DLG5: variants seen among roughly 807,000 people sequenced by gnomAD.
DLG5 encodes discs large MAGUK scaffold protein 5, also known as disks large homolog 5.
Under a neutral mutation model 189.8 loss-of-function variants are expected in DLG5, and 48 were observed. The observed-to-expected ratio is 0.25, with a 90% CI of 0.20 to 0.32. The LOEUF is 0.32. Among genes scored for constraint, DLG5 ranks in the 10% least tolerant of loss-of-function variants. The pLI, the probability that DLG5 is intolerant of heterozygous loss-of-function variation, is 1.00. For synonymous variants in DLG5, 1,016 were observed against 1,054.1 expected (o/e 0.96, Z 0.70); for missense variants, 2,160 against 2,544.7 (o/e 0.85, Z 3.25).
intron 1 of DLG5, among the ~76,000 whole-genome samples, chr10:77,925,760 G>C (rs568380366): frequency 6.6e-6 from 1 of 152,350 alleles, no homozygotes; most frequent in African/African-American, 2.4e-5. Context: ...AAATGAAAAA[G>C]CAGTTGTGGC....
chr10:77,824,802 C>T (rs1036372284), intron 13 of DLG5: 2 of 270,966 alleles, frequency 7.4e-6, no homozygotes, highest in South Asian at 1.1e-4. Context: ...CAGAACTTCC[C>T]AGCTCCTTGC....
At position 77,791,252 on chromosome 10, in the gene DLG5, A is replaced by C. The variant is rs1300886458; in HGVS notation, c.*1188T>G. 2 of 152,486 alleles carry C rather than the reference A, an allele frequency of 1.3e-5. No homozygotes were observed. The highest frequency in any genetic ancestry group is 2.4e-5 in the African/African-American group (1 of 41,394). The allele number at this position is 152,486 out of a possible 1,614,324, so 9.4% of individuals were successfully genotyped here. A position where few individuals can be genotyped will look rare whatever the true frequency, so the allele number is the denominator to read the frequency against. On this transcript the variant is annotated 3_prime_UTR_variant, in exon 32 of 32. Coordinates refer to ENST00000372391, the MANE Select transcript of DLG5 (RefSeq NM_004747.4). Reference sequence around the variant, plus strand: ...TCCTACCCCAACGACACTTACACAGAGCCCAGTACAGTACCTATTATTAAC... The same window carrying C: ...TCCTACCCCAACGACACTTACACAGCGCCCAGTACAGTACCTATTATTAAC...
chr10:77,851,185 C>A (rs1843957178), intron 5 of DLG5, among the ~76,000 whole-genome samples: 1 of 152,238 alleles, frequency 6.6e-6, no homozygotes, highest in Admixed American at 6.5e-5. Flanking sequence ...GCACCGCCAT[C>A]CTTACCTGCT....
chr10:77,871,938 C>A (rs1302863120), intron 1 of DLG5, among the ~76,000 whole-genome samples: 2 of 152,144 alleles, frequency 1.3e-5, no homozygotes, highest in East Asian at 1.9e-4. Flanking sequence ...GCAATTCGGG[C>A]AATCCATTGA....
At chr10:77,853,266 C>T in intron 5 of DLG5, 88 bp downstream of exon 5, 2 of 1,256,142 alleles carry the variant, frequency 1.6e-6, no homozygotes, top group Non-Finnish European at 2.1e-6. Flanking sequence ...ACGTGCCCGG[C>T]CCAGCATTTA....
In DLG5 at chr10:77,796,054, T is replaced by C; in HGVS notation, c.5436+7A>G. The stretch of plus-strand genomic sequence containing the variant: ...ATGCCTAATCCTCAGACTGAAGCCC[T>C]GGGTACCTTTTCTGTGATCTCCTTT... On this transcript the variant is annotated splice_region_variant and intron_variant, in intron 29 of 31. Transcript: ENST00000372391. This position sits in a 1 kb window ranked among gnomAD's most constrained non-coding sequence, Gnocchi z 5.2. 1 of 1,614,208 alleles carries C rather than the reference T, an allele frequency of 6.2e-7. No individual in the cohort carries two copies. The highest frequency in any genetic ancestry group is 8.5e-7 in the Non-Finnish European group (1 of 1,180,036).
At chr10:77,889,935 G>A (rs921764941) in intron 1 of DLG5, among the ~76,000 whole-genome samples, 1 of 152,130 alleles carries the variant, frequency 6.6e-6, no homozygotes, top group Admixed American at 6.5e-5. Context: ...CATCCCAAAA[G>A]TGCAGAAGAT....
intron 20 of DLG5, among the ~76,000 whole-genome samples, chr10:77,813,915 T>C (rs994562826): frequency 6.6e-6 from 1 of 152,248 alleles, no homozygotes; most frequent in Non-Finnish European, 1.5e-5. Flanking sequence ...AGGCTTCTTA[T>C]GTAGGACATT....
At chr10:77,894,757 A>T (rs1845709692) in intron 1 of DLG5, among the ~76,000 whole-genome samples, 1 of 151,982 alleles carries the variant, frequency 6.6e-6, no homozygotes, top group East Asian at 1.9e-4. Context: ...GCCCATCCAG[A>T]AAAACTCAAA....
In DLG5 at chr10:77,834,406, ACCC is replaced by A. The variant is rs1277226301; in HGVS notation, c.1623-370_1623-368del. ...GGGGTGGCTCTCCTCTGCATGAAGCACCCCCCACCTGCCTGGCAGGCCTGTGCT... is the reference window on the plus strand; with the variant it reads ...GGGGTGGCTCTCCTCTGCATGAAGCACCCACCTGCCTGGCAGGCCTGTGCT... On this transcript the variant is annotated intron_variant, in intron 8 of 31. Coordinates refer to ENST00000372391, the MANE Select transcript of DLG5 (RefSeq NM_004747.4). Among the ~76,000 whole-genome samples, 9 of 151,044 alleles carry A rather than the reference ACCC, an allele frequency of 6.0e-5. No homozygotes were observed. The South Asian group carries it at 1.1e-3, about 18-fold the overall frequency.
chr10:77,906,875 C>T (rs1846085460), intron 1 of DLG5, among the ~76,000 whole-genome samples: 1 of 152,076 alleles, frequency 6.6e-6, no homozygotes, highest in African/African-American at 2.4e-5. Context: ...ATCCACCTGA[C>T]TCAGGCTCCC....
At chr10:77,880,104 CAAG>C (rs1208235252) in intron 1 of DLG5, among the ~76,000 whole-genome samples, 2 of 152,082 alleles carry the variant, frequency 1.3e-5, no homozygotes, top group Non-Finnish European at 2.9e-5. Flanking sequence ...AGAAATCAAC[CAAG>C]AAGACAGAGG....
chr10:77,818,205 G>C (rs1237659583), intron 17 of DLG5, among the ~76,000 whole-genome samples: 3 of 152,142 alleles, frequency 2.0e-5, no homozygotes, highest in African/African-American at 7.2e-5. Flanking sequence ...GGTGGGCCTG[G>C]GGAGGGGGAA....
intron 15 of DLG5, chr10:77,820,301 G>A: frequency 3.1e-6 from 1 of 320,260 alleles, no homozygotes. Flanking sequence ...AGCCAAGACT[G>A]CACCACTGTA....
At chr10:77,854,001 C>T (rs902723972) in intron 4 of DLG5, among the ~76,000 whole-genome samples, 1 of 152,216 alleles carries the variant, frequency 6.6e-6, no homozygotes, top group African/African-American at 2.4e-5. Context: ...TCATGCCTGC[C>T]AGGTCTCTGA....
At chr10:77,817,927 A>C in intron 17 of DLG5, 38 bp from the exon 18 acceptor site, 1 of 1,515,274 alleles carries the variant, frequency 6.6e-7, no homozygotes, top group Non-Finnish European at 9.0e-7. Flanking sequence ...CGGGAGGAGA[A>C]CCAGGAACAG....
rs1218560219 is a variant in DLG5 at position 77,820,868 on chromosome 10, TC to T, written c.3402+213del. 7.0e-6 allele frequency: 4 copies of T among 574,022 alleles called. No individual in the cohort carries two copies. The Admixed American group carries it at 9.5e-5, about 14-fold the overall frequency. The allele number at this position is 574,022 out of a possible 1,614,324, so 35.6% of individuals were successfully genotyped here. A position where few individuals can be genotyped will look rare whatever the true frequency, so the allele number is the denominator to read the frequency against. ...CCAAATGCTATGCCCAATAAAGTGTTCCCCTCTTGTGTCACACTCCCACTAC... is the reference window on the plus strand; with the variant it reads ...CCAAATGCTATGCCCAATAAAGTGTTCCCTCTTGTGTCACACTCCCACTAC... On this transcript the variant is annotated intron_variant, in intron 15 of 31. Coordinates refer to ENST00000372391, the MANE Select transcript of DLG5 (RefSeq NM_004747.4).
chr10:77,881,309 A>C (rs1845274324), intron 1 of DLG5, among the ~76,000 whole-genome samples: 1 of 152,068 alleles, frequency 6.6e-6, no homozygotes, highest in African/African-American at 2.4e-5. Context: ...CAGTGTCAAC[A>C]CTCAGGGAAC....
chr10:77,900,504 A>G (rs986389194), intron 1 of DLG5, among the ~76,000 whole-genome samples: 2 of 152,174 alleles, frequency 1.3e-5, no homozygotes, highest in African/African-American at 4.8e-5. Flanking sequence ...CATAAGAGAA[A>G]AACGATCCCC....
Sources: gnomAD v4.1 joint callset for allele counts (sites outside exome capture counted in the v4.1 genomes callset) on GRCh38, gnomAD v4.1.1 for gene constraint, Gnocchi (gnomAD v3.1) non-coding constraint, MANE v1.5 for transcripts, NCBI Gene and HGNC (gene_info 2026-07-23, HGNC 2026-07-21) for gene names.